Variants in MARCHF1 observed in about 807,000 individuals in gnomAD.
The protein encoded by MARCHF1 is E3 ubiquitin-protein ligase MARCHF1.
A neutral mutation model predicts 54.2 loss-of-function variants in MARCHF1; 40 were observed. That is an observed-to-expected ratio of 0.74 (90% CI 0.57 to 0.96). MARCHF1 has a LOEUF of 0.96. Ranked by LOEUF, MARCHF1 falls within the 40% of genes least tolerant of loss-of-function variation. The pLI is 0.00. For missense variants in MARCHF1, 586 were observed against 656.5 expected (o/e 0.89, Z 1.17); for synonymous variants, 236 against 236.3 (o/e 1.00, Z 0.01).
intron 4 of MARCHF1, among the ~76,000 whole-genome samples, chr4:163,832,959 A>G (rs1175656242): frequency 6.6e-6 from 1 of 152,028 alleles, no homozygotes; most frequent in Non-Finnish European, 1.5e-5. Flanking sequence ...CATGGTGTAT[A>G]TGTGCCACAT....
At chr4:164,142,494 C>A (rs1756572528) in intron 1 of MARCHF1, among the ~76,000 whole-genome samples, 1 of 152,310 alleles carries the variant, frequency 6.6e-6, no homozygotes, top group South Asian at 2.1e-4. Flanking sequence ...CAGACAGCCT[C>A]CTCAAGTGGG....
intron 4 of MARCHF1, among the ~76,000 whole-genome samples, chr4:163,833,560 T>C (rs1003774902): frequency 2.6e-5 from 4 of 152,020 alleles, no homozygotes; most frequent in African/African-American, 9.7e-5. Flanking sequence ...GGGTGAAGGA[T>C]ATGAACAGAC....
intron 2 of MARCHF1, among the ~76,000 whole-genome samples, chr4:164,041,182 C>T (rs1463135821): frequency 3.3e-5 from 5 of 151,964 alleles, no homozygotes; most frequent in Non-Finnish European, 2.9e-5. Context: ...TTAAGCAGAC[C>T]GAGAATTGCA....
At chr4:164,333,443 T>C (rs1261627760) in intron 1 of MARCHF1, among the ~76,000 whole-genome samples, 1 of 152,212 alleles carries the variant, frequency 6.6e-6, no homozygotes, top group Non-Finnish European at 1.5e-5. Context: ...TCTCACAATA[T>C]TTTAAATGAT....
intron 1 of MARCHF1, among the ~76,000 whole-genome samples, chr4:164,150,228 T>C (rs1403076014): frequency 6.6e-6 from 1 of 152,226 alleles, no homozygotes; most frequent in Non-Finnish European, 1.5e-5. Context: ...GAGATAATAA[T>C]GAATTTCAAG....
chr4:164,218,973 C>T (rs897320473), intron 1 of MARCHF1, among the ~76,000 whole-genome samples: 1 of 151,896 alleles, frequency 6.6e-6, no homozygotes, highest in Non-Finnish European at 1.5e-5. Context: ...GGCTGAAATA[C>T]CCAAGGATAT....
intron 1 of MARCHF1, among the ~76,000 whole-genome samples, chr4:164,165,350 C>A (rs1455534693): frequency 6.7e-6 from 1 of 148,792 alleles, no homozygotes; most frequent in Admixed American, 6.7e-5. Flanking sequence ...AACACAAGCA[C>A]GTTTTCTCTC....
intron 1 of MARCHF1, among the ~76,000 whole-genome samples, chr4:164,243,640 C>G (rs1462599342): frequency 1.3e-5 from 2 of 150,474 alleles, no homozygotes; most frequent in Non-Finnish European, 3.0e-5. Flanking sequence ...ACTAAATGCT[C>G]CAATTAAAAG....
intron 2 of MARCHF1, among the ~76,000 whole-genome samples, chr4:164,040,893 TTAATC>T (rs1249165129): frequency 1.3e-5 from 2 of 152,192 alleles, no homozygotes; most frequent in African/African-American, 4.8e-5. Flanking sequence ...TCTGAATTGT[TTAATC>T]TAATATAAAT....
rs536560803 is a variant in MARCHF1 at position 164,348,399 on chromosome 4, G to C, written c.-323+35471C>G. 2.2e-3 allele frequency among the ~76,000 whole-genome samples: 328 copies of C among 152,244 alleles called. 3 individuals carry two copies. The Middle Eastern group carries it at 0.051, about 24-fold the overall frequency. ...GAACACAATTCTTTCACTTCTACAT[G>C]AATGTTGGAATTTATCTAATCCAAA... On this transcript the variant is annotated intron_variant, in intron 1 of 9. Transcript: ENST00000514618.
intron 3 of MARCHF1, among the ~76,000 whole-genome samples, chr4:163,982,141 T>G (rs1177694629): frequency 6.6e-6 from 1 of 152,258 alleles, no homozygotes; most frequent in Non-Finnish European, 1.5e-5. Flanking sequence ...TTCCTGATTT[T>G]CATTACATAA....
intron 4 of MARCHF1, among the ~76,000 whole-genome samples, chr4:163,773,833 T>C (rs982864868): frequency 6.6e-6 from 1 of 152,178 alleles, no homozygotes; most frequent in Non-Finnish European, 1.5e-5. Flanking sequence ...ACAAAGTTTC[T>C]ACATATCTGT....
chr4:164,015,988 A>T (rs1560862906), intron 2 of MARCHF1, among the ~76,000 whole-genome samples: 1 of 152,116 alleles, frequency 6.6e-6, no homozygotes, highest in Non-Finnish European at 1.5e-5. Context: ...CAATCAATAT[A>T]TCGAAAATAT....
intron 1 of MARCHF1, among the ~76,000 whole-genome samples, chr4:164,199,906 C>T (rs1439171871): frequency 2.0e-5 from 3 of 151,794 alleles, no homozygotes; most frequent in Non-Finnish European, 4.4e-5. Flanking sequence ...CACAGTACTT[C>T]TAACTGTGTG....
chr4:164,040,335 C>A (rs1472992736), intron 2 of MARCHF1, among the ~76,000 whole-genome samples: 1 of 129,450 alleles, frequency 7.7e-6, no homozygotes, highest in Non-Finnish European at 1.6e-5. Context: ...AATACTTATA[C>A]AATACTTATA....
At chr4:163,887,120 G>A (rs1280534365) in intron 3 of MARCHF1, among the ~76,000 whole-genome samples, 1 of 152,018 alleles carries the variant, frequency 6.6e-6, no homozygotes, top group East Asian at 1.9e-4. Context: ...TGAGATTTTA[G>A]TAGGAAACAG....
At chr4:163,958,225 A>T (rs866216176) in intron 3 of MARCHF1, among the ~76,000 whole-genome samples, 3 of 146,864 alleles carry the variant, frequency 2.0e-5, no homozygotes, top group African/African-American at 7.7e-5. Context: ...TGCTTTCCCA[A>T]ATGACTTTCA....
At chr4:163,549,137 T>C (rs1423929007) in intron 8 of MARCHF1, among the ~76,000 whole-genome samples, 2 of 152,196 alleles carry the variant, frequency 1.3e-5, no homozygotes, top group African/African-American at 4.8e-5. Context: ...AGTGCCAGCC[T>C]CACTCAGGCA....
At chr4:164,371,003 TGA>T (rs1345690443) in intron 1 of MARCHF1, among the ~76,000 whole-genome samples, 1 of 152,066 alleles carries the variant, frequency 6.6e-6, no homozygotes, top group Non-Finnish European at 1.5e-5. Flanking sequence ...AGAATGAGAA[TGA>T]GGAGAATTCA....
Sources: gnomAD v4.1 joint callset for allele counts (sites outside exome capture counted in the v4.1 genomes callset) on GRCh38, gnomAD v4.1.1 for gene constraint, MANE v1.5 for transcripts, NCBI Gene and HGNC (gene_info 2026-07-23, HGNC 2026-07-21) for gene names.